Variants in LRCH1 observed in about 807,000 individuals in gnomAD.
The protein encoded by LRCH1 is leucine rich repeats and calponin homology domain containing 1.
A neutral mutation model predicts 94.9 loss-of-function variants in LRCH1; 23 were observed. The observed-to-expected ratio is 0.24, with a 90% CI of 0.17 to 0.34. The LOEUF is 0.34. Among genes scored for constraint, LRCH1 ranks in the 10% least tolerant of loss-of-function variants. The probability of loss-of-function intolerance (pLI) is 1.00; values close to 1 mark genes in which losing one functional copy is unlikely to be tolerated. For missense variants in LRCH1, 790 were observed against 945.9 expected (o/e 0.84, Z 2.16); for synonymous variants, 364 against 354.9 (o/e 1.03, Z -0.29).
chr13:46,738,038 G>A (rs1489458204), intron 19 of LRCH1, among the ~76,000 whole-genome samples: 1 of 152,140 alleles, frequency 6.6e-6, no homozygotes, highest in Non-Finnish European at 1.5e-5. Flanking sequence ...TAACAGACTT[G>A]CCTTCTTTAG....
chr13:46,670,466 C>G (rs935547020), intron 3 of LRCH1, among the ~76,000 whole-genome samples: 7 of 152,172 alleles, frequency 4.6e-5, no homozygotes, highest in Non-Finnish European at 8.8e-5. Flanking sequence ...AAGCACCTAG[C>G]AAGAGACCTA....
intron 1 of LRCH1, among the ~76,000 whole-genome samples, chr13:46,633,212 T>A (rs1179743724): frequency 2.0e-5 from 3 of 152,152 alleles, no homozygotes; most frequent in African/African-American, 7.2e-5. Context: ...GGAAAAAAAA[T>A]TGCCCAAGGA....
intron 1 of LRCH1, among the ~76,000 whole-genome samples, chr13:46,635,891 C>G (rs1426918768): frequency 6.6e-6 from 1 of 152,002 alleles, no homozygotes; most frequent in Non-Finnish European, 1.5e-5. Context: ...TTTCTTCCCC[C>G]ATACCATGCC....
At chr13:46,748,483 T>G (rs146075925), downstream of LRCH1, among the ~76,000 whole-genome samples, 1 of 152,274 alleles carries the variant, frequency 6.6e-6, no homozygotes, top group Non-Finnish European at 1.5e-5. Flanking sequence ...TCTTTGCCCT[T>G]ATAGAACCTG....
downstream of LRCH1, chr13:46,745,043 C>T: frequency 2.5e-6 from 1 of 392,814 alleles, no homozygotes; most frequent in Non-Finnish European, 3.5e-6. Flanking sequence ...ATAAAAAAGT[C>T]ACTGGGACAC....
At chr13:46,709,334 T>A (rs1871936686) in intron 13 of LRCH1, among the ~76,000 whole-genome samples, 1 of 152,192 alleles carries the variant, frequency 6.6e-6, no homozygotes, top group Non-Finnish European at 1.5e-5. Flanking sequence ...TAATGATGAG[T>A]CTGTTTGTTC....
chr13:46,589,269 A>T (rs1490072544), intron 1 of LRCH1, among the ~76,000 whole-genome samples: 1 of 152,062 alleles, frequency 6.6e-6, no homozygotes, highest in Non-Finnish European at 1.5e-5. Flanking sequence ...GACTCAAGTG[A>T]TCCTCCTGCC....
intron 1 of LRCH1, among the ~76,000 whole-genome samples, chr13:46,609,235 A>T (rs557771848): frequency 6.6e-6 from 1 of 152,344 alleles, no homozygotes; most frequent in African/African-American, 2.4e-5. Context: ...CACTAGGCCC[A>T]TATGCCTTCA....
At chr13:46,612,840 C>T (rs1029515868) in intron 1 of LRCH1, among the ~76,000 whole-genome samples, 1 of 152,130 alleles carries the variant, frequency 6.6e-6, no homozygotes, top group Non-Finnish European at 1.5e-5. Context: ...TTTAAGGCTG[C>T]ATATTTTATT....
In LRCH1 at chr13:46,553,235, C is replaced by CCCCCCCCCAACAA; in HGVS notation, c.-162_-161insCCCCCCCCAACAA. ...GAGCTGCCACGGCCGCCTCCCCGCC[C>CCCCCCCCCAACAA]GCCCCCCATTCTACGCGCCTGCCCA... On this transcript the variant is annotated 5_prime_UTR_variant, in exon 1 of 20. Coordinates refer to ENST00000389797, the MANE Select transcript of LRCH1 (RefSeq NM_001164211.2). 2.0e-6 allele frequency: 1 copy of CCCCCCCCCAACAA among 504,912 alleles called. No individual in the cohort carries two copies. 31.3% of individuals were successfully genotyped at this position (504,912 alleles called of 1,614,324 possible).
intron 10 of LRCH1, 117 bp from the exon 11 acceptor site, chr13:46,701,004 C>T (rs1190340899): frequency 2.9e-6 from 2 of 681,634 alleles, no homozygotes; most frequent in Non-Finnish European, 5.2e-6. Context: ...AACACTGAAT[C>T]TGTCGAAATC....
At chr13:46,612,923 G>A (rs2138006108) in intron 1 of LRCH1, among the ~76,000 whole-genome samples, 1 of 152,122 alleles carries the variant, frequency 6.6e-6, no homozygotes, top group East Asian at 1.9e-4. Flanking sequence ...GTCACAGAAT[G>A]AAATGATGAA....
chr13:46,691,261 A>G (rs1345571416), intron 7 of LRCH1, among the ~76,000 whole-genome samples: 1 of 152,248 alleles, frequency 6.6e-6, no homozygotes, highest in Non-Finnish European at 1.5e-5. Context: ...TTTCAGAATC[A>G]TAGGTTTTCT....
intron 3 of LRCH1, among the ~76,000 whole-genome samples, chr13:46,672,938 C>A (rs2051620526): frequency 6.6e-6 from 1 of 152,160 alleles, no homozygotes; most frequent in African/African-American, 2.4e-5. Flanking sequence ...AGCTGAAACA[C>A]CCTCACCCAG....
At chr13:46,722,436 A>T (rs147309646) in intron 16 of LRCH1, among the ~76,000 whole-genome samples, 14 of 152,320 alleles carry the variant, frequency 9.2e-5, no homozygotes, top group African/African-American at 1.4e-4. Context: ...CTCTTGCTGT[A>T]GTCATTCTCC....
At chr13:46,678,743 ATTATG>A (rs1236531359) in intron 3 of LRCH1, among the ~76,000 whole-genome samples, 1 of 152,172 alleles carries the variant, frequency 6.6e-6, no homozygotes, top group Non-Finnish European at 1.5e-5. Context: ...TAATAAGGCT[ATTATG>A]TTAGAAACAT....
chr13:46,683,105 G>A (rs1285775228), intron 4 of LRCH1, among the ~76,000 whole-genome samples: 4 of 152,114 alleles, frequency 2.6e-5, no homozygotes, highest in Admixed American at 2.0e-4. Context: ...ATTTCTCAAA[G>A]CAAAACCCTG....
chr13:46,699,227 C>G (rs1871342667), intron 9 of LRCH1, 109 bp from the exon 10 acceptor site: 2 of 813,354 alleles, frequency 2.5e-6, no homozygotes, highest in Non-Finnish European at 4.2e-6. Flanking sequence ...TTGTTTCCAG[C>G]TTTTGGCTAT....
intron 11 of LRCH1, among the ~76,000 whole-genome samples, chr13:46,702,347 C>A (rs995923353): frequency 3.3e-5 from 5 of 151,982 alleles, no homozygotes; most frequent in African/African-American, 4.8e-5. Flanking sequence ...ACTAATAATA[C>A]AAAAATTAGC....
Sources: gnomAD v4.1 joint callset for allele counts (sites outside exome capture counted in the v4.1 genomes callset) on GRCh38, gnomAD v4.1.1 for gene constraint, MANE v1.5 for transcripts, NCBI Gene and HGNC (gene_info 2026-07-23, HGNC 2026-07-21) for gene names.